Variants in ZBTB44 observed in about 807,000 individuals in gnomAD.
ZBTB44 encodes the protein zinc finger and BTB domain containing 44, also known as zinc finger and BTB domain-containing protein 44.
ZBTB44 carries 15 observed loss-of-function variants against 54.0 expected under a neutral mutation model. The ratio of observed to expected loss-of-function variants is 0.28; its 90% CI spans 0.19 to 0.43. The LOEUF is 0.43. ZBTB44 is among the 20% of genes least tolerant of loss of function. The pLI is 1.00. For missense variants in ZBTB44, 487 were observed against 707.1 expected, an observed-to-expected ratio of 0.69 and a Z score of 3.53; for synonymous variants, 230 against 250.1, an observed-to-expected ratio of 0.92 and a Z score of 0.76.
At chr11:130,263,822 A>G (rs576894395) in intron 1 of ZBTB44, among the ~76,000 whole-genome samples, 24 of 152,130 alleles carry the variant, frequency 1.6e-4, no homozygotes, top group Non-Finnish European at 2.8e-4. Flanking sequence ...ACCCCATTCT[A>G]CTTCCCTGCT....
chr11:130,278,202 A>G (rs1441831494), intron 1 of ZBTB44, among the ~76,000 whole-genome samples: 1 of 152,226 alleles, frequency 6.6e-6, no homozygotes, highest in African/African-American at 2.4e-5. Flanking sequence ...CTACCTTCCT[A>G]AAGATCACAG....
At position 130,242,924 on chromosome 11, in the gene ZBTB44, G is replaced by C. The variant is rs766891474; in HGVS notation, c.1019-3028C>G. Among the ~76,000 whole-genome samples the C allele has an allele frequency of 3.9e-4, 59 of 152,222 alleles. 1 individual carries two copies. In the Middle Eastern group the frequency reaches 0.01, roughly 26 times the overall value. ...TTGCTACTGCAGTTTCCACCACTGT[G>C]TCTCTCTCTGTGTAGCACTGAAGTA... is the stretch of plus-strand genomic sequence containing the variant. On this transcript the variant is annotated intron_variant, in intron 2 of 7. Coordinates refer to ENST00000357899, the MANE Select transcript of ZBTB44 (RefSeq NM_001301098.2).
rs971064158 is a variant in ZBTB44, at chr11:130,228,376, G to A, written c.*3388C>T. On this transcript the variant is annotated 3_prime_UTR_variant, in exon 8 of 8. Coordinates refer to ENST00000357899, the MANE Select transcript of ZBTB44 (RefSeq NM_001301098.2). ...AGGTACCTGAAAGATGAAAAGCAGT[G>A]CAACTTTCAACAATTTAATGGACTA... 6.6e-6 allele frequency: 1 copy of A among 152,194 alleles called. No individual in the cohort carries two copies. The highest frequency in any genetic ancestry group is 1.5e-5 in the Non-Finnish European group (1 of 68,042). 9.4% of individuals were successfully genotyped at this position (152,194 alleles called of 1,614,324 possible). A position where few individuals can be genotyped will look rare whatever the true frequency, so the allele number is the denominator to read the frequency against.
intron 2 of ZBTB44, among the ~76,000 whole-genome samples, chr11:130,244,667 GAAA>G (rs11360161): frequency 5.8e-4 from 61 of 104,778 alleles, no homozygotes; most frequent in African/African-American, 1.9e-3. Flanking sequence ...ACTCTGTCTG[GAAA>G]AAAAAAAAAA....
At chr11:130,277,074 C>T (rs1388079358) in intron 1 of ZBTB44, among the ~76,000 whole-genome samples, 2 of 152,170 alleles carry the variant, frequency 1.3e-5, no homozygotes, top group African/African-American at 2.4e-5. Flanking sequence ...CTGGATAATG[C>T]TGTTTATAAA....
At chr11:130,296,989 T>C in intron 1 of ZBTB44, 4 of 743,420 alleles carry the variant, frequency 5.4e-6, no homozygotes, top group Non-Finnish European at 9.9e-6. Flanking sequence ...ATCAAGAAAG[T>C]TGAGAAGTCC....
At chr11:130,251,045 T>G (rs1203225840) in intron 2 of ZBTB44, among the ~76,000 whole-genome samples, 1 of 152,084 alleles carries the variant, frequency 6.6e-6, no homozygotes, top group Non-Finnish European at 1.5e-5. Flanking sequence ...CTAAGAACCT[T>G]GACAAAAGGT....
rs1484711821 is a variant in ZBTB44 at position 130,231,912 on chromosome 11, C to CA, written c.*49-198dup. 3.3e-5 allele frequency: 5 copies of CA among 152,284 alleles called. No individual in the cohort carries two copies. In the East Asian group the frequency reaches 9.6e-4, roughly 29 times the overall value. The allele number at this position is 152,284 out of a possible 1,614,324, so 9.4% of individuals were successfully genotyped here. A position where few individuals can be genotyped will look rare whatever the true frequency, so the allele number is the denominator to read the frequency against. On this transcript the variant is annotated intron_variant, in intron 7 of 7. Coordinates refer to ENST00000357899, the MANE Select transcript of ZBTB44 (RefSeq NM_001301098.2). Reference sequence around the variant, plus strand: ...TTATAGTCTGCTGCAGAAAGTAATGCAACCCTATCAGTGAAGAAGCATAAA... The same window carrying CA: ...TTATAGTCTGCTGCAGAAAGTAATGCAAACCCTATCAGTGAAGAAGCATAAA...
intron 2 of ZBTB44, among the ~76,000 whole-genome samples, chr11:130,242,754 T>C (rs1297104712): frequency 6.6e-6 from 1 of 152,144 alleles, no homozygotes; most frequent in Non-Finnish European, 1.5e-5. Context: ...TTCTCTACAA[T>C]GTATCTAGGT....
At chr11:130,302,563 G>T (rs1942043300) in intron 1 of ZBTB44, among the ~76,000 whole-genome samples, 1 of 152,114 alleles carries the variant, frequency 6.6e-6, no homozygotes, top group East Asian at 1.9e-4. Flanking sequence ...GTCCAAAGCA[G>T]AAAGTAAGAA....
intron 2 of ZBTB44, among the ~76,000 whole-genome samples, chr11:130,250,466 C>T (rs183874647): frequency 1.4e-3 from 217 of 152,306 alleles, no homozygotes; most frequent in African/African-American, 5.1e-3. Flanking sequence ...GGTCCCTGAC[C>T]CCCATGCCTC....
At chr11:130,287,168 C>T (rs1941017725) in intron 1 of ZBTB44, among the ~76,000 whole-genome samples, 1 of 152,194 alleles carries the variant, frequency 6.6e-6, no homozygotes, top group South Asian at 2.1e-4. Context: ...ATTGCTCAGT[C>T]ACCCATAGCT....
At chr11:130,254,681 T>C (rs1052945868) in intron 2 of ZBTB44, among the ~76,000 whole-genome samples, 1 of 152,150 alleles carries the variant, frequency 6.6e-6, no homozygotes, top group Non-Finnish European at 1.5e-5. Context: ...TCCTCAGGGA[T>C]CTAGAACTAG....
At chr11:130,240,169 G>A (rs1392346139) in intron 2 of ZBTB44, among the ~76,000 whole-genome samples, 2 of 151,644 alleles carry the variant, frequency 1.3e-5, no homozygotes, top group African/African-American at 4.8e-5. Context: ...AGCCTCCCGA[G>A]TAGCTGGGAC....
intron 1 of ZBTB44, chr11:130,295,711 T>TA: frequency 6.6e-7 from 1 of 1,526,080 alleles, no homozygotes; most frequent in Middle Eastern, 1.9e-4. Context: ...AGGGATCTTC[T>TA]AGCAGCTGCA....
At position 130,230,035 on chromosome 11, in the gene ZBTB44, T is replaced by G. The variant is rs1330099623; in HGVS notation, c.*1729A>C. 1 of 152,106 alleles carries G rather than the reference T, an allele frequency of 6.6e-6. No individual in the cohort carries two copies. The highest frequency in any genetic ancestry group is 1.9e-4 in the East Asian group (1 of 5,200). The allele number at this position is 152,106 out of a possible 1,614,324, so 9.4% of individuals were successfully genotyped here. Reference sequence around the variant, plus strand: ...TTTGTTCATTCCACAAATCTCAAACTTCAGCTAAAATATTAAAATTTTAGG... The same window carrying G: ...TTTGTTCATTCCACAAATCTCAAACGTCAGCTAAAATATTAAAATTTTAGG... On this transcript the variant is annotated 3_prime_UTR_variant, in exon 8 of 8. Coordinates refer to ENST00000357899, the MANE Select transcript of ZBTB44 (RefSeq NM_001301098.2).
At chr11:130,277,444 A>T (rs1385043023) in intron 1 of ZBTB44, among the ~76,000 whole-genome samples, 1 of 151,804 alleles carries the variant, frequency 6.6e-6, no homozygotes, top group Non-Finnish European at 1.5e-5. Flanking sequence ...TCATGATTAC[A>T]AACACAATAT....
Position 130,231,289 on chromosome 11 carries a change from G to GA in ZBTB44, c.*474dup, listed in dbSNP as rs1219738610. On this transcript the variant is annotated 3_prime_UTR_variant, in exon 8 of 8. Transcript: ENST00000357899. The stretch of plus-strand genomic sequence containing the variant: ...TATCCTTAAAGTACATATATATCAA[G>GA]AAAAATGTACCCTCACTGAAATAGA... The GA allele has an allele frequency of 6.6e-6, 1 of 151,876 alleles. No individual in the cohort carries two copies. Among genetic ancestry groups the GA allele is most frequent in the Non-Finnish European group, 1.5e-5 (1 of 67,916 alleles). 9.4% of individuals were successfully genotyped at this position (151,876 alleles called of 1,614,324 possible). A position where few individuals can be genotyped will look rare whatever the true frequency, so the allele number is the denominator to read the frequency against.
At chr11:130,293,635 A>G (rs1023174840) in intron 1 of ZBTB44, among the ~76,000 whole-genome samples, 17 of 151,348 alleles carry the variant, frequency 1.1e-4, no homozygotes, top group African/African-American at 4.1e-4. Context: ...AAAAAAAAAA[A>G]AAAAGAAAGA....
Sources: allele counts gnomAD v4.1 joint callset (sites outside exome capture counted in the v4.1 genomes callset), GRCh38; gene constraint gnomAD v4.1.1; transcripts MANE v1.5; gene names NCBI Gene and HGNC (gene_info 2026-07-23, HGNC 2026-07-21).